The following SLF2 variants were observed in gnomAD, a reference collection of about 807,000 sequenced individuals.
SLF2 encodes SMC5-SMC6 complex localization factor protein 2.
Under a neutral mutation model 124.3 loss-of-function variants are expected in SLF2, and 68 were observed. That is an observed-to-expected ratio of 0.55 (90% CI 0.45 to 0.67). SLF2 has a LOEUF of 0.67. Among genes scored for constraint, SLF2 ranks in the 30% least tolerant of loss-of-function variants. SLF2 has a pLI of 0.00. For synonymous variants in SLF2, 480 were observed against 478.8 expected (o/e 1.00, Z -0.03); for missense variants, 1,246 against 1,373.7 (o/e 0.91, Z 1.47).
chr10:100,917,385 C>A (rs1432775460), intron 3 of SLF2, 85 bp downstream of exon 3: 1 of 1,397,000 alleles, frequency 7.2e-7, no homozygotes, highest in East Asian at 2.4e-5. Context: ...AGAGTTGTTA[C>A]ATCACATTGA....
chr10:100,959,719 T>C, intron 19 of SLF2: 1 of 710,524 alleles, frequency 1.4e-6, no homozygotes, highest in Non-Finnish European at 2.0e-6. Context: ...TTTAAAAATA[T>C]TGCATTGCAT....
intron 9 of SLF2, among the ~76,000 whole-genome samples, chr10:100,934,550 CTGTT>C (rs1472998017): frequency 1.3e-5 from 2 of 152,030 alleles, no homozygotes; most frequent in South Asian, 2.1e-4. Flanking sequence ...AGCCATATGA[CTGTT>C]TGAAAGTAGA....
Position 100,963,935 on chromosome 10 carries a change from C to A in SLF2, c.*2023C>A, listed in dbSNP as rs1449751756. The A allele has an allele frequency of 6.6e-6, 1 of 152,530 alleles. No individual in the cohort carries two copies. Among genetic ancestry groups the A allele is most frequent in the Non-Finnish European group, 1.5e-5 (1 of 68,018 alleles). The allele number at this position is 152,530 out of a possible 1,614,324, so 9.4% of individuals were successfully genotyped here. A position where few individuals can be genotyped will look rare whatever the true frequency, so the allele number is the denominator to read the frequency against. On this transcript the variant is annotated 3_prime_UTR_variant, in exon 20 of 20. Coordinates refer to ENST00000238961, the MANE Select transcript of SLF2 (RefSeq NM_018121.4). Reference sequence around the variant, plus strand: ...TTTCTCCTTTAGAAAAAAAATACTTCATGGTCCCTCTAAAATAAATGGCCA... The same window carrying A: ...TTTCTCCTTTAGAAAAAAAATACTTAATGGTCCCTCTAAAATAAATGGCCA...
Position 100,947,105 on chromosome 10 carries a change from C to T in SLF2, c.3001C>T (p.Gln1001Ter). 1 of 1,593,194 alleles carries T rather than the reference C, an allele frequency of 6.3e-7. No individual in the cohort carries two copies. Among genetic ancestry groups the T allele is most frequent in the Non-Finnish European group, 8.5e-7 (1 of 1,172,482 alleles). ...TCCCCACAACCTCCTGTGGTTGGTA[C>T]AGCTGGTCCCTAATTGGACATCACG... ...SHPHNLLWLV[Q>*]LVPNWTSRGR... The change falls in exon 14 of 20, where the codon CAG (glutamine) becomes TAG (stop). Residue 1001 changes from glutamine (Q) to a stop codon, truncating the protein, a stop_gained. Transcript: ENST00000238961. LOFTEE classifies it high-confidence loss of function.
intron 11 of SLF2, among the ~76,000 whole-genome samples, chr10:100,940,401 G>T (rs760219428): frequency 1.3e-5 from 2 of 151,896 alleles, no homozygotes; most frequent in Non-Finnish European, 2.9e-5. Flanking sequence ...GCTTTGTTGC[G>T]CAGGCTGGAG....
chr10:100,940,651 T>C (rs1849952031), intron 11 of SLF2, among the ~76,000 whole-genome samples: 1 of 151,970 alleles, frequency 6.6e-6, no homozygotes, highest in African/African-American at 2.4e-5. Flanking sequence ...CGTGAGTCAC[T>C]GTGCCTGGCT....
intron 9 of SLF2, among the ~76,000 whole-genome samples, chr10:100,936,823 T>TA (rs1395919486): frequency 6.6e-6 from 1 of 151,774 alleles, no homozygotes; most frequent in Non-Finnish European, 1.5e-5. Flanking sequence ...CATTTTTTGA[T>TA]AGTTTCAAAT....
chr10:100,951,566 C>T (rs932755095), intron 17 of SLF2, among the ~76,000 whole-genome samples: 3 of 152,176 alleles, frequency 2.0e-5, no homozygotes, highest in Middle Eastern at 6.3e-3. Context: ...AGGGATGAGC[C>T]GGGGGTTCAG....
intron 12 of SLF2, among the ~76,000 whole-genome samples, chr10:100,944,996 C>CTCCA (rs1287530510): frequency 6.6e-6 from 1 of 151,988 alleles, no homozygotes; most frequent in African/African-American, 2.4e-5. Flanking sequence ...CACCACTGTA[C>CTCCA]TCCAGCCTGG....
chr10:100,917,245 A>C lies in SLF2; in HGVS notation c.860A>C (p.Gln287Pro). ...SSIERKYKPR[Q>P]EQRKQNDIIP... ...ATAGAAAGAAAATATAAACCAAGGC[A>C]GGAACAAAGGAAACAGAATGACATC... Residue 287 changes from glutamine to proline, a missense_variant, in exon 3 of 20, where the codon CAG (glutamine) becomes CCG (proline). Around this residue, in one of 3 missense-constraint regions of SLF2, gnomAD observed 698 missense variants for 708.9 expected, o/e 0.98. Coordinates refer to ENST00000238961, the MANE Select transcript of SLF2 (RefSeq NM_018121.4). The C allele has an allele frequency of 6.2e-7, 1 of 1,613,930 alleles. No homozygotes were observed. The highest frequency in any genetic ancestry group is 8.5e-7 in the Non-Finnish European group (1 of 1,179,972).
chr10:100,961,149 A>T (rs539427059), intron 19 of SLF2, among the ~76,000 whole-genome samples: 1 of 151,680 alleles, frequency 6.6e-6, no homozygotes, highest in Non-Finnish European at 1.5e-5. Context: ...AGCTGGGATT[A>T]CAGGCGCCTG....
rs558508005 is a variant in SLF2, at chr10:100,949,018, A to C, written c.3121-1058A>C. 3.3e-5 allele frequency among the ~76,000 whole-genome samples: 5 copies of C among 152,352 alleles called. No homozygotes were observed. In the East Asian group the frequency reaches 9.6e-4, roughly 29 times the overall value. ...TTTAGATTAGAGACTCTGCCCTTGA[A>C]AACATAATCTAATGGTTGAAACAAA... is the stretch of plus-strand genomic sequence containing the variant. On this transcript the variant is annotated intron_variant, in intron 15 of 19. Coordinates refer to ENST00000238961, the MANE Select transcript of SLF2 (RefSeq NM_018121.4).
At chr10:100,929,739 TA>T in intron 7 of SLF2, 90 bp from the exon 8 acceptor site, 1 of 1,023,318 alleles carries the variant, frequency 9.8e-7, no homozygotes, top group Non-Finnish European at 1.4e-6. Flanking sequence ...AACATTGGCT[TA>T]AAAAATGGTT....
chr10:100,917,252 A>G lies in SLF2; in HGVS notation c.867A>G (p.Gln289=), dbSNP rs1849434925. The change falls in exon 3 of 20, where the codon CAA becomes CAG. Residue 289 remains glutamine (Q), a synonymous_variant. Coordinates refer to ENST00000238961, the MANE Select transcript of SLF2 (RefSeq NM_018121.4). ...IERKYKPRQE[Q]RKQNDIIPGK... ...GAAAATATAAACCAAGGCAGGAACA[A>G]AGGAAACAGAATGACATCATACCTG... The G allele has an allele frequency of 3.7e-6, 6 of 1,613,824 alleles. No homozygotes were observed. The highest frequency in any genetic ancestry group is 5.1e-6 in the Non-Finnish European group (6 of 1,179,960).
At chr10:100,953,738 C>T (rs778014783) in intron 17 of SLF2, among the ~76,000 whole-genome samples, 1 of 151,972 alleles carries the variant, frequency 6.6e-6, no homozygotes, top group African/African-American at 2.4e-5. Context: ...CTGCAACCTC[C>T]GTCTCTTGGG....
rs1849724609 is a variant in SLF2, at chr10:100,931,051, T to C, written c.2409T>C (p.Pro803=). 6.2e-7 allele frequency: 1 copy of C among 1,613,722 alleles called. No homozygotes were observed. Among genetic ancestry groups the C allele is most frequent in the Non-Finnish European group, 8.5e-7 (1 of 1,179,868 alleles). The part of the protein sequence containing the change: ...LTSAYHYVQC[P]VPVLKWLFRM... ...CTGCTTATCACTATGTCCAGTGTCC[T>C]GTCCCTGTGTTAAAGTGGCTGTTTC... Residue 803 remains proline (P), a synonymous_variant, in exon 9 of 20, where the codon CCT becomes CCC. Coordinates refer to ENST00000238961, the MANE Select transcript of SLF2 (RefSeq NM_018121.4).
chr10:100,938,501 G>T (rs1436004768), intron 10 of SLF2, 94 bp from the exon 11 acceptor site: 2 of 1,231,284 alleles, frequency 1.6e-6, no homozygotes, highest in Non-Finnish European at 2.3e-6. Flanking sequence ...TAAAACCATT[G>T]TAATTATTCA....
Position 100,914,021 on chromosome 10 carries a change from G to GT in SLF2, c.140+775dup, listed in dbSNP as rs1849371035. 3 of 433,948 alleles carry GT rather than the reference G, an allele frequency of 6.9e-6. No homozygotes were observed. The South Asian group carries it at 2.9e-4, about 42-fold the overall frequency. The allele number at this position is 433,948 out of a possible 1,614,324, so 26.9% of individuals were successfully genotyped here. A position where few individuals can be genotyped will look rare whatever the true frequency, so the allele number is the denominator to read the frequency against. On this transcript the variant is annotated intron_variant, in intron 1 of 19. Coordinates refer to ENST00000238961, the MANE Select transcript of SLF2 (RefSeq NM_018121.4). The stretch of plus-strand genomic sequence containing the variant: ...GCCAGAAAGCTATGAAAACCAAAAC[G>GT]TTTTCAGTAAGTTTGGCACCACATC...
chr10:100,916,133 A>G (rs1564768551), intron 2 of SLF2, 91 bp downstream of exon 2: 6 of 892,544 alleles, frequency 6.7e-6, no homozygotes, highest in South Asian at 2.1e-5. Flanking sequence ...AAACTGTTTT[A>G]GTAAACGTAG....
Sources: allele counts gnomAD v4.1 joint callset (sites outside exome capture counted in the v4.1 genomes callset), GRCh38; gene constraint gnomAD v4.1.1; regional missense constraint gnomAD v4.1.1; transcripts MANE v1.5; gene names NCBI Gene and HGNC (gene_info 2026-07-23, HGNC 2026-07-21).